Variants in KIRREL1 observed in about 807,000 individuals in gnomAD.
KIRREL1 encodes kin of IRRE-like protein 1.
Under a neutral mutation model 83.3 loss-of-function variants are expected in KIRREL1, and 25 were observed. The observed-to-expected ratio is 0.30, with a 90% CI of 0.22 to 0.42. The LOEUF (loss-of-function observed/expected upper bound fraction) is 0.42. KIRREL1 is among the 10% of genes least tolerant of loss of function. The pLI, the probability that KIRREL1 is intolerant of heterozygous loss-of-function variation, is 1.00. For synonymous variants in KIRREL1, 388 were observed against 410.4 expected (o/e 0.95, Z 0.66); for missense variants, 812 against 1,032.3 (o/e 0.79, Z 2.92).
chr1:158,019,642 A>T (rs143066536), intron 1 of KIRREL1, among the ~76,000 whole-genome samples: 66 of 152,284 alleles, frequency 4.3e-4, no homozygotes, highest in African/African-American at 1.6e-3. Flanking sequence ...TCCAGGCCTA[A>T]TTGCTAGGTC....
rs531806530 is a variant in KIRREL1, at chr1:158,075,983, G to T, written c.53-130G>T. 1.4e-4 allele frequency: 107 copies of T among 783,818 alleles called. No individual in the cohort carries two copies. The East Asian group carries it at 2.9e-3, about 21-fold the overall frequency. 48.6% of individuals were successfully genotyped at this position (783,818 alleles called of 1,614,324 possible). On this transcript the variant is annotated intron_variant, in intron 1 of 14. Coordinates refer to ENST00000359209, the MANE Select transcript of KIRREL1 (RefSeq NM_018240.7). ...GAAACAAAGGGGTTGAGGCTGAAGG[G>T]GGGCAGGGACCGGAGAGTCCCCATC...
At chr1:158,069,346 A>ATGTG (rs1661446523) in intron 1 of KIRREL1, among the ~76,000 whole-genome samples, 10 of 106,792 alleles carry the variant, frequency 9.4e-5, no homozygotes, top group Admixed American at 6.7e-4. Flanking sequence ...GTGTGTGTGA[A>ATGTG]TCTAAGCATT....
At chr1:158,077,493 G>C (rs1661712835) in intron 2 of KIRREL1, among the ~76,000 whole-genome samples, 1 of 152,150 alleles carries the variant, frequency 6.6e-6, no homozygotes, top group South Asian at 2.1e-4. Flanking sequence ...GGACTCTTTG[G>C]TTTAGGAGCT....
At chr1:157,998,733 T>A (rs958016545) in intron 1 of KIRREL1, among the ~76,000 whole-genome samples, 1 of 152,236 alleles carries the variant, frequency 6.6e-6, no homozygotes. Flanking sequence ...GGGTCTTAGA[T>A]GGCTTGTTCT....
intron 1 of KIRREL1, among the ~76,000 whole-genome samples, chr1:158,031,969 G>C (rs1212738323): frequency 6.6e-6 from 1 of 152,138 alleles, no homozygotes; most frequent in Non-Finnish European, 1.5e-5. Flanking sequence ...CTTGGCCCCA[G>C]CTACTTGAGA....
rs1321897434 is a variant in KIRREL1 at position 158,091,354 on chromosome 1, A to G, written c.1273-4A>G. The G allele has an allele frequency of 1.2e-6, 2 of 1,612,498 alleles. No homozygotes were observed. Among genetic ancestry groups the G allele is most frequent in the African/African-American group, 2.7e-5 (2 of 74,884 alleles). ...TTACCTTCTTCCTTCCCTCTCCACCACAGGCATGGGCCTGGAAGGAGAACT... is the reference window on the plus strand; with the variant it reads ...TTACCTTCTTCCTTCCCTCTCCACCGCAGGCATGGGCCTGGAAGGAGAACT... On this transcript the variant is annotated splice_region_variant and splice_polypyrimidine_tract_variant and intron_variant, in intron 10 of 14. Transcript: ENST00000359209.
intron 1 of KIRREL1, among the ~76,000 whole-genome samples, chr1:158,060,232 G>A (rs1661177584): frequency 6.6e-6 from 1 of 152,152 alleles, no homozygotes; most frequent in African/African-American, 2.4e-5. Flanking sequence ...CCTGGGCAGG[G>A]TTCTGATGAC....
At chr1:158,079,618 G>A (rs1661786248) in intron 3 of KIRREL1, among the ~76,000 whole-genome samples, 1 of 152,248 alleles carries the variant, frequency 6.6e-6, no homozygotes, top group Non-Finnish European at 1.5e-5. Flanking sequence ...ACTGTGCCCA[G>A]CCTGTTGTTT....
intron 1 of KIRREL1, among the ~76,000 whole-genome samples, chr1:158,024,359 A>G: frequency 6.9e-6 from 1 of 144,102 alleles, no homozygotes; most frequent in East Asian, 2.0e-4. Context: ...GCTCACTGCA[A>G]CCTCCACCTC....
In KIRREL1 at chr1:158,095,019, G is replaced by A. The variant is rs543613260; in HGVS notation, c.2173G>A (p.Asp725Asn). The change falls in exon 15 of 15, where the codon GAC becomes AAC. Residue 725 changes from aspartate to asparagine, a missense_variant. By Grantham distance (23) the Asp-to-Asn change is conservative. Transcript: ENST00000359209. ...GLERTPYEAY[D>N]PIGKYATATR... ...GGAGCGGACCCCATATGAGGCGTAT[G>A]ACCCCATTGGCAAGTACGCCACAGC... 1.7e-5 allele frequency: 28 copies of A among 1,613,924 alleles called. No individual in the cohort carries two copies. The Admixed American group carries it at 3.2e-4, about 18-fold the overall frequency.
At position 158,037,470 on chromosome 1, in the gene KIRREL1, C is replaced by T. The variant is rs533641470; in HGVS notation, c.53-38643C>T. Among the ~76,000 whole-genome samples, 5 of 122,168 alleles carry T rather than the reference C, an allele frequency of 4.1e-5. No homozygotes were observed. The South Asian group carries it at 1.0e-3, about 24-fold the overall frequency. The allele number at this position is 122,168 out of a possible 152,430, so 80.1% of individuals were successfully genotyped here. A position where few individuals can be genotyped will look rare whatever the true frequency, so the allele number is the denominator to read the frequency against. ...ATTGCGCCACTGCACTCCAGCCTGG[C>T]GACAAAGCAAGACTCTGGCAAAAAA... On this transcript the variant is annotated intron_variant, in intron 1 of 14. Transcript: ENST00000359209.
At chr1:158,030,440 A>G (rs1245877134) in intron 1 of KIRREL1, among the ~76,000 whole-genome samples, 5 of 152,202 alleles carry the variant, frequency 3.3e-5, no homozygotes, top group African/African-American at 1.2e-4. Context: ...ACTTCTCTGG[A>G]GAGCAGTGGA....
rs763572501 is a variant in KIRREL1, at chr1:158,097,066, T to C, written c.*1946T>C. On this transcript the variant is annotated 3_prime_UTR_variant, in exon 15 of 15. Transcript: ENST00000359209. Reference sequence around the variant, plus strand: ...TTCACAGGAAGTCTGTGCATCCTCCTTCATTTCAGCAGGGAAAACTCCTGT... The same window carrying C: ...TTCACAGGAAGTCTGTGCATCCTCCCTCATTTCAGCAGGGAAAACTCCTGT... 2 of 456,772 alleles carry C rather than the reference T, an allele frequency of 4.4e-6. No homozygotes were observed. The highest frequency in any genetic ancestry group is 3.1e-5 in the South Asian group (2 of 64,560). The allele number at this position is 456,772 out of a possible 1,614,324, so 28.3% of individuals were successfully genotyped here. A position where few individuals can be genotyped will look rare whatever the true frequency, so the allele number is the denominator to read the frequency against.
rs543437140 is a variant in KIRREL1, at chr1:158,081,654, C to T, written c.353-2768C>T. Among the ~76,000 whole-genome samples the T allele has an allele frequency of 4.6e-5, 7 of 152,278 alleles. No homozygotes were observed. The East Asian group carries it at 1.4e-3, about 29-fold the overall frequency. On this transcript the variant is annotated intron_variant, in intron 3 of 14. Transcript: ENST00000359209. ...AAACACATGCACACATGGACACATG[C>T]CCTTTAACAGCTGGCTCAGCAGGCA...
intron 3 of KIRREL1, among the ~76,000 whole-genome samples, chr1:158,083,925 C>T (rs1183941327): frequency 2.6e-5 from 4 of 152,008 alleles, no homozygotes; most frequent in African/African-American, 4.8e-5. Flanking sequence ...GTCAGGAGTT[C>T]GAGACCAGTC....
intron 3 of KIRREL1, among the ~76,000 whole-genome samples, chr1:158,080,330 G>A (rs1405929807): frequency 2.0e-5 from 3 of 152,160 alleles, no homozygotes; most frequent in Non-Finnish European, 4.4e-5. Flanking sequence ...ACTAAGTGTT[G>A]CAGTAACAAT....
At chr1:158,047,937 A>G (rs1020371489) in intron 1 of KIRREL1, among the ~76,000 whole-genome samples, 1 of 152,194 alleles carries the variant, frequency 6.6e-6, no homozygotes, top group Non-Finnish European at 1.5e-5. Context: ...TGGTTTCTGC[A>G]AAAGAATCTG....
Position 158,094,957 on chromosome 1 carries a change from A to C in KIRREL1, c.2111A>C (p.Tyr704Ser). The C allele has an allele frequency of 6.2e-7, 1 of 1,613,464 alleles. No homozygotes were observed. The highest frequency in any genetic ancestry group is 8.5e-7 in the Non-Finnish European group (1 of 1,179,856). Residue 704 changes from tyrosine (Y) to serine (S), a missense_variant, in exon 15 of 15, where the codon TAC becomes TCC. Tyr to Ser is a moderately radical substitution (Grantham distance 144). Around this residue, in one of 3 missense-constraint regions of KIRREL1, gnomAD observed 334 missense variants for 383.7 expected, o/e 0.87. Transcript: ENST00000359209. The surrounding 1 kb of genome is among the most constrained non-coding windows in gnomAD (Gnocchi z 4.6). ...CCTGGGGCAGCTGGGTACCCCACCT[A>C]CCGACTGGGCTACCCCCAGGCCCCA... ...PFPGAAGYPT[Y>S]RLGYPQAPPS...
At chr1:158,011,631 C>G (rs1659689220) in intron 1 of KIRREL1, among the ~76,000 whole-genome samples, 1 of 152,200 alleles carries the variant, frequency 6.6e-6, no homozygotes, top group African/African-American at 2.4e-5. Flanking sequence ...GGTGAAGCTC[C>G]TGGACACAGG....
Sources: allele counts gnomAD v4.1 joint callset (sites outside exome capture counted in the v4.1 genomes callset), GRCh38; gene constraint gnomAD v4.1.1; regional missense constraint gnomAD v4.1.1; non-coding constraint Gnocchi (gnomAD v3.1); transcripts MANE v1.5; gene names NCBI Gene and HGNC (gene_info 2026-07-23, HGNC 2026-07-21).